The following NRXN1 variants were observed in gnomAD, a reference collection of about 807,000 sequenced individuals.
The protein encoded by NRXN1 is neurexin-1.
A neutral mutation model predicts 150.9 loss-of-function variants in NRXN1; 39 were observed. That is an observed-to-expected ratio of 0.26 (90% CI 0.20 to 0.34). The LOEUF (loss-of-function observed/expected upper bound fraction) is 0.34. Among genes scored for constraint, NRXN1 ranks in the 10% least tolerant of loss-of-function variants. NRXN1 has a pLI of 1.00. For synonymous variants in NRXN1, 924 were observed against 757.0 expected (o/e 1.22, Z -3.62); for missense variants, 1,815 against 1,949.9 (o/e 0.93, Z 1.30).
At chr2:50,615,208 T>C (rs929011326) in intron 8 of NRXN1, 1 of 152,152 alleles carries the variant, frequency 6.6e-6, no homozygotes, top group South Asian at 2.1e-4. Context: ...TCATTTTTTT[T>C]CTCTCTCTCT....
rs540443688 is a variant in NRXN1 at position 50,755,078 on chromosome 2, C to T, written c.833-131463G>A. Among the ~76,000 whole-genome samples, 5 of 151,860 alleles carry T rather than the reference C, an allele frequency of 3.3e-5. No individual in the cohort carries two copies. The East Asian group carries it at 9.8e-4, about 30-fold the overall frequency. On this transcript the variant is annotated intron_variant, in intron 5 of 22. Coordinates refer to ENST00000401669, the MANE Select transcript of NRXN1 (RefSeq NM_001330078.2). ...TAGTGGAAAATTCTCGGTTTCTTCACCTATATTCATATTCTCATTGATCTG... is the reference window on the plus strand; with the variant it reads ...TAGTGGAAAATTCTCGGTTTCTTCATCTATATTCATATTCTCATTGATCTG...
In NRXN1 at chr2:50,671,313, A is replaced by G. The variant is rs1159096910; in HGVS notation, c.833-47698T>C. Among the ~76,000 whole-genome samples the G allele has an allele frequency of 4.0e-5, 6 of 151,710 alleles. No individual in the cohort carries two copies. The East Asian group carries it at 1.2e-3, about 29-fold the overall frequency. ...TATAAGAAATTTAAAAAATTATTTT[A>G]GTGTTTAATCTGTTTGGCTATTTTC... On this transcript the variant is annotated intron_variant, in intron 5 of 22. Transcript: ENST00000401669.
chr2:50,038,275 G>A (rs1442634054), intron 21 of NRXN1, among the ~76,000 whole-genome samples: 2 of 152,110 alleles, frequency 1.3e-5, no homozygotes, highest in African/African-American at 2.4e-5. Flanking sequence ...AATGTCCTTC[G>A]CTTGCATGTG....
At chr2:49,971,903 A>C (rs1175732000) in intron 21 of NRXN1, among the ~76,000 whole-genome samples, 1 of 152,198 alleles carries the variant, frequency 6.6e-6, no homozygotes, top group African/African-American at 2.4e-5. Context: ...GCCAAGTTTC[A>C]AAAGTTAAGT....
At chr2:50,350,187 C>T (rs1482475450) in intron 17 of NRXN1, among the ~76,000 whole-genome samples, 1 of 152,196 alleles carries the variant, frequency 6.6e-6, no homozygotes, top group Non-Finnish European at 1.5e-5. Flanking sequence ...ATGACACCTT[C>T]CTTAATACAT....
intron 21 of NRXN1, among the ~76,000 whole-genome samples, chr2:49,974,743 T>C (rs1678646138): frequency 1.4e-5 from 2 of 146,430 alleles, no homozygotes; most frequent in Non-Finnish European, 1.5e-5. Context: ...CATTAAGAAA[T>C]ACATTCTTAG....
intron 17 of NRXN1, among the ~76,000 whole-genome samples, chr2:50,388,731 G>A (rs1489081478): frequency 6.6e-6 from 1 of 151,988 alleles, no homozygotes; most frequent in East Asian, 1.9e-4. Context: ...GGGAATGATA[G>A]GGCATTCTTT....
At chr2:50,247,271 G>A (rs949423582) in intron 17 of NRXN1, among the ~76,000 whole-genome samples, 2 of 152,042 alleles carry the variant, frequency 1.3e-5, no homozygotes, top group African/African-American at 4.8e-5. Flanking sequence ...ACCTGGTAAT[G>A]GTGATCACAT....
intron 9 of NRXN1, among the ~76,000 whole-genome samples, chr2:50,543,052 T>TA (rs2093423952): frequency 1.3e-5 from 2 of 152,114 alleles, no homozygotes; most frequent in African/African-American, 4.8e-5. Context: ...AAACTCTATA[T>TA]ATCAATGGAA....
At chr2:50,187,357 C>A (rs1255574780) in intron 18 of NRXN1, among the ~76,000 whole-genome samples, 1 of 151,982 alleles carries the variant, frequency 6.6e-6, no homozygotes, top group African/African-American at 2.4e-5. Context: ...CAAATTTTCC[C>A]ATTTCTCCAC....
At chr2:50,827,907 A>T (rs1324740670) in intron 5 of NRXN1, among the ~76,000 whole-genome samples, 4 of 147,654 alleles carry the variant, frequency 2.7e-5, no homozygotes, top group Non-Finnish European at 6.0e-5. Flanking sequence ...TGTTTCAGAG[A>T]GCACAGGTTT....
At chr2:50,075,030 T>C (rs112512736) in intron 19 of NRXN1, among the ~76,000 whole-genome samples, 2,804 of 152,334 alleles carry the variant, frequency 0.018, 34 homozygotes, top group Non-Finnish European at 0.03. Flanking sequence ...CTAGATTTCC[T>C]ATTGCAAGGG....
chr2:50,861,128 G>C (rs1335226493), intron 5 of NRXN1, among the ~76,000 whole-genome samples: 1 of 152,036 alleles, frequency 6.6e-6, no homozygotes, highest in South Asian at 2.1e-4. Flanking sequence ...GTCCCAAAGA[G>C]ATTTTATAGC....
chr2:50,082,968 C>T (rs1268068563), intron 19 of NRXN1, among the ~76,000 whole-genome samples: 3 of 151,810 alleles, frequency 2.0e-5, no homozygotes, highest in Non-Finnish European at 4.4e-5. Context: ...TTTAATAATG[C>T]ATTTGTTTTG....
At chr2:50,917,997 A>G (rs1685459986) in intron 5 of NRXN1, 1 of 151,656 alleles carries the variant, frequency 6.6e-6, no homozygotes, top group Non-Finnish European at 1.5e-5. Flanking sequence ...GTAATATTAG[A>G]TATTACTCAT....
At chr2:50,084,276 G>A (rs12987099) in intron 19 of NRXN1, among the ~76,000 whole-genome samples, 50,677 of 152,094 alleles carry the variant, frequency 0.33, 9,755 homozygotes, top group African/African-American at 0.51. Context: ...GCAGGGGGCC[G>A]CACAGGAGCC....
chr2:50,668,987 A>G (rs1053514375), intron 5 of NRXN1, among the ~76,000 whole-genome samples: 4 of 152,000 alleles, frequency 2.6e-5, no homozygotes, highest in African/African-American at 9.7e-5. Flanking sequence ...GTCAGGGGAT[A>G]CAGGCCCTCC....
At chr2:50,859,845 TGTGTG>T (rs1675863583) in intron 5 of NRXN1, among the ~76,000 whole-genome samples, 1 of 50,698 alleles carries the variant, frequency 2.0e-5, no homozygotes, top group African/African-American at 4.9e-5. Flanking sequence ...TGTTTGTGTG[TGTGTG>T]TGTGTGTGTG....
chr2:50,239,367 T>C (rs2065772660), intron 17 of NRXN1, among the ~76,000 whole-genome samples: 2 of 151,378 alleles, frequency 1.3e-5, no homozygotes, highest in Non-Finnish European at 3.0e-5. Context: ...TATTCAAAAC[T>C]AGAGATGCTA....
Sources: allele counts gnomAD v4.1 joint callset (sites outside exome capture counted in the v4.1 genomes callset), GRCh38; gene constraint gnomAD v4.1.1; transcripts MANE v1.5; gene names NCBI Gene and HGNC (gene_info 2026-07-23, HGNC 2026-07-21).